TEC: variants seen among roughly 807,000 people sequenced by gnomAD.
The protein encoded by TEC is tyrosine-protein kinase Tec.
TEC carries 72 observed loss-of-function variants against 93.0 expected under a neutral mutation model. That is an observed-to-expected ratio of 0.77 (90% CI 0.64 to 0.94). TEC has a LOEUF of 0.94. TEC is among the 40% of genes least tolerant of loss of function. TEC has a pLI of 0.00. For missense variants in TEC, 630 were observed against 757.9 expected, an observed-to-expected ratio of 0.83 and a Z score of 1.98; for synonymous variants, 249 against 247.7, an observed-to-expected ratio of 1.01 and a Z score of -0.05.
At chr4:48,204,664 A>C (rs900220085) in intron 2 of TEC, among the ~76,000 whole-genome samples, 2 of 152,208 alleles carry the variant, frequency 1.3e-5, no homozygotes, top group Non-Finnish European at 2.9e-5. Flanking sequence ...GGATGAAACT[A>C]TTCCACTTCA....
rs185528146 is a variant in TEC, at chr4:48,204,199, G to A, written c.138+24278C>T. 1.4e-4 allele frequency among the ~76,000 whole-genome samples: 22 copies of A among 152,262 alleles called. No individual in the cohort carries two copies. The East Asian group carries it at 3.9e-3, about 27-fold the overall frequency. On this transcript the variant is annotated intron_variant, in intron 2 of 17. Transcript: ENST00000381501. ...TCTAGCAGTGATGAGTGCCACAAGG[G>A]GTCTTAACGGTTTATACAAACAAAA...
intron 12 of TEC, 149 bp downstream of exon 12, chr4:48,146,176 T>C (rs1719897558): frequency 1.6e-6 from 1 of 614,802 alleles, no homozygotes; most frequent in Non-Finnish European, 2.7e-6. Context: ...TAGGCTGCTA[T>C]GGTCTTAAGT....
chr4:48,165,924 C>T (rs1201055610), intron 7 of TEC, among the ~76,000 whole-genome samples: 2 of 152,204 alleles, frequency 1.3e-5, no homozygotes, highest in African/African-American at 4.8e-5. Flanking sequence ...AGCTCTTGCT[C>T]TAACCCCACA....
chr4:48,144,664 A>G lies in TEC; in HGVS notation c.1470+415T>C, dbSNP rs144141991. ...AGGATTTCTCTTATAGTTTCTTTTTATAGTGTGTGAGGTGGAAAAGAACTT... is the reference window on the plus strand; with the variant it reads ...AGGATTTCTCTTATAGTTTCTTTTTGTAGTGTGTGAGGTGGAAAAGAACTT... On this transcript the variant is annotated intron_variant, in intron 14 of 17. Transcript: ENST00000381501. Among the ~76,000 whole-genome samples the G allele has an allele frequency of 1.4e-4, 21 of 152,276 alleles. No individual in the cohort carries two copies. The East Asian group carries it at 2.9e-3, about 21-fold the overall frequency.
At chr4:48,201,952 ATTTTTTTT>A (rs780630248) in intron 2 of TEC, among the ~76,000 whole-genome samples, 2 of 116,528 alleles carry the variant, frequency 1.7e-5, no homozygotes, top group Admixed American at 1.8e-4. Context: ...ACTGTGGCTT[ATTTTTTTT>A]TTTTTTTTTT....
intron 2 of TEC, among the ~76,000 whole-genome samples, chr4:48,194,085 A>G (rs1722196429): frequency 2.6e-5 from 4 of 152,196 alleles, no homozygotes; most frequent in Admixed American, 2.6e-4. Flanking sequence ...CAATGGATTG[A>G]TGAAGTGATA....
intron 4 of TEC, 48 bp downstream of exon 4, chr4:48,171,320 T>A: frequency 6.8e-7 from 1 of 1,478,730 alleles, no homozygotes; most frequent in Non-Finnish European, 9.3e-7. Context: ...GATAACAATA[T>A]TACATCTCCT....
chr4:48,232,026 T>C (rs1723661619), intron 1 of TEC, among the ~76,000 whole-genome samples: 1 of 152,008 alleles, frequency 6.6e-6, no homozygotes, highest in African/African-American at 2.4e-5. Flanking sequence ...CGGTGGCTCA[T>C]GCCTGTAATC....
At chr4:48,140,620 A>G (rs1293482267) in intron 15 of TEC, among the ~76,000 whole-genome samples, 1 of 152,272 alleles carries the variant, frequency 6.6e-6, no homozygotes, top group Non-Finnish European at 1.5e-5. Context: ...AAGCAGTCAC[A>G]GGTAACACCT....
At chr4:48,213,077 A>T (rs1240815537) in intron 2 of TEC, among the ~76,000 whole-genome samples, 1 of 152,250 alleles carries the variant, frequency 6.6e-6, no homozygotes, top group Non-Finnish European at 1.5e-5. Flanking sequence ...ATGAGTAAGG[A>T]ATTACACCTA....
At chr4:48,264,123 A>C (rs1467480179) in intron 1 of TEC, among the ~76,000 whole-genome samples, 4 of 152,216 alleles carry the variant, frequency 2.6e-5, no homozygotes, top group African/African-American at 7.2e-5. Flanking sequence ...GTGAAGAGAC[A>C]ATAGCAAAAA....
At chr4:48,178,600 C>T (rs975896758) in intron 2 of TEC, among the ~76,000 whole-genome samples, 2 of 152,134 alleles carry the variant, frequency 1.3e-5, no homozygotes, top group Non-Finnish European at 2.9e-5. Flanking sequence ...GCCAGCTAGA[C>T]TGTGAGAGAT....
At chr4:48,186,785 T>G (rs4352448) in intron 2 of TEC, among the ~76,000 whole-genome samples, 5,922 of 148,144 alleles carry the variant, frequency 0.04, 388 homozygotes, top group African/African-American at 0.14. Flanking sequence ...GCCCCCGCCC[T>G]GCCAGCCGCC....
chr4:48,228,808 C>T, intron 1 of TEC, 149 bp from the exon 2 acceptor site: 1 of 543,870 alleles, frequency 1.8e-6, no homozygotes, highest in Non-Finnish European at 3.0e-6. Flanking sequence ...GCCTGGGGCA[C>T]AAAAATTCAA....
intron 16 of TEC, 25 bp downstream of exon 16, chr4:48,138,879 G>A (rs890011796): frequency 4.0e-5 from 65 of 1,613,142 alleles, no homozygotes; most frequent in Non-Finnish European, 5.0e-5. Flanking sequence ...CAGGGCGGAC[G>A]GACATGAGGA....
chr4:48,174,743 A>G (rs1721255739), intron 3 of TEC, among the ~76,000 whole-genome samples: 1 of 152,118 alleles, frequency 6.6e-6, no homozygotes, highest in Non-Finnish European at 1.5e-5. Context: ...CTTAAGAAGA[A>G]GGTTTAAATT....
intron 2 of TEC, among the ~76,000 whole-genome samples, chr4:48,218,620 TAC>T (rs1723153726): frequency 6.6e-6 from 1 of 152,158 alleles, no homozygotes; most frequent in South Asian, 2.1e-4. Flanking sequence ...CCAATAAACC[TAC>T]AGTTTCCACT....
intron 13 of TEC, 46 bp from the exon 14 acceptor site, chr4:48,145,341 C>G (rs777382162): frequency 3.7e-6 from 6 of 1,611,196 alleles, no homozygotes; most frequent in Non-Finnish European, 4.2e-6. Flanking sequence ...AAAGAAACTA[C>G]CAAGTTTTTG....
At chr4:48,164,470 A>G (rs1720798855) in intron 7 of TEC, among the ~76,000 whole-genome samples, 2 of 152,216 alleles carry the variant, frequency 1.3e-5, no homozygotes, top group Non-Finnish European at 2.9e-5. Flanking sequence ...ATAAGAAAAC[A>G]GATATACATA....
Sources: gnomAD v4.1 joint callset for allele counts (sites outside exome capture counted in the v4.1 genomes callset) on GRCh38, gnomAD v4.1.1 for gene constraint, MANE v1.5 for transcripts, NCBI Gene and HGNC (gene_info 2026-07-23, HGNC 2026-07-21) for gene names.